Variants in SLC12A9 observed in about 807,000 individuals in gnomAD.
The protein encoded by SLC12A9 is CCC-interacting protein 1.
SLC12A9 carries 55 observed loss-of-function variants against 66.0 expected under a neutral mutation model. That is an observed-to-expected ratio of 0.83 (90% CI 0.67 to 1.04). The LOEUF is 1.04. Among genes scored for constraint, SLC12A9 ranks in the 50% least tolerant of loss-of-function variants. The pLI, the probability that SLC12A9 is intolerant of heterozygous loss-of-function variation, is 0.00. For missense variants in SLC12A9, 1,061 were observed against 1,241.9 expected, an observed-to-expected ratio of 0.85 and a Z score of 2.19; for synonymous variants, 577 against 569.0, an observed-to-expected ratio of 1.01 and a Z score of -0.20.
chr7:100,854,685 C>G lies in SLC12A9; in HGVS notation c.247C>G (p.Leu83Val). The change falls in exon 3 of 14, where the codon CTG becomes GTG. Residue 83 changes from leucine to valine, a missense_variant. Transcript: ENST00000354161. The stretch of plus-strand genomic sequence containing the variant: ...CATGCTGCTGGTTGCCTACTTCATC[C>G]TGGCACTCACCGTCCTCTCTGTCTG... ...LAMLLVAYFI[L>V]ALTVLSVCAI... is the part of the protein sequence containing the mutation. 6.2e-7 allele frequency: 1 copy of G among 1,614,072 alleles called. No homozygotes were observed. The highest frequency in any genetic ancestry group is 2.2e-5 in the East Asian group (1 of 44,872).
intron 5 of SLC12A9, chr7:100,857,457 C>T: frequency 2.1e-6 from 1 of 482,338 alleles, no homozygotes; most frequent in Non-Finnish European, 3.8e-6. Flanking sequence ...AATGGCCCAG[C>T]ATGACTTAAA....
At chr7:100,858,743 G>A in intron 5 of SLC12A9, 92 bp from the exon 6 acceptor site, 1 of 1,222,502 alleles carries the variant, frequency 8.2e-7, no homozygotes, top group Non-Finnish European at 1.2e-6. Context: ...GGAGGCAAGA[G>A]GACCGTGGGA....
Position 100,861,370 on chromosome 7 carries a change from C to T in SLC12A9, c.1344-22C>T. 1 of 1,612,402 alleles carries T rather than the reference C, an allele frequency of 6.2e-7. No individual in the cohort carries two copies. The highest frequency in any genetic ancestry group is 8.5e-7 in the Non-Finnish European group (1 of 1,178,894). On this transcript the variant is annotated intron_variant, in intron 10 of 13. Coordinates refer to ENST00000354161, the MANE Select transcript of SLC12A9 (RefSeq NM_020246.4). The surrounding 1 kb of genome is among the most constrained non-coding windows in gnomAD (Gnocchi z 5.3). ...TGCGGCCTGCCCTGAGTTTCTGTCC[C>T]TCCTCCCCTCCATGCCCGCAGCCCC...
intron 1 of SLC12A9, among the ~76,000 whole-genome samples, chr7:100,841,284 GTAAC>G (rs1329876687): frequency 6.6e-6 from 1 of 151,526 alleles, no homozygotes; most frequent in African/African-American, 2.4e-5. Context: ...TAATTTAAAA[GTAAC>G]TAGGCCTCCT....
chr7:100,852,795 C>T lies in SLC12A9; in HGVS notation c.-83C>T, dbSNP rs1814144025. On this transcript the variant is annotated 5_prime_UTR_variant, in exon 1 of 14. Transcript: ENST00000354161. ...TGCACTCTCCGCCCGAGCGGAGCCC[C>T]CCGGCTCGCGGGGATCGCCCCCGAG... 6.6e-6 allele frequency: 1 copy of T among 152,454 alleles called. No homozygotes were observed. The highest frequency in any genetic ancestry group is 6.5e-5 in the Admixed American group (1 of 15,312). 9.4% of individuals were successfully genotyped at this position (152,454 alleles called of 1,614,324 possible).
In SLC12A9 at chr7:100,862,664, C is replaced by CAA. The variant is rs1814829886; in HGVS notation, c.1712-17_1712-16insAA. The stretch of plus-strand genomic sequence containing the variant: ...TGGACAACACTGGCTACCTTCCTTT[C>CAA]CTTATCTTCTCTGTAGACTCCCTGC... On this transcript the variant is annotated splice_polypyrimidine_tract_variant and intron_variant, in intron 12 of 13. Transcript: ENST00000354161. 6.2e-7 allele frequency: 1 copy of CAA among 1,613,220 alleles called. No individual in the cohort carries two copies. The highest frequency in any genetic ancestry group is 8.5e-7 in the Non-Finnish European group (1 of 1,179,256).
In SLC12A9 at chr7:100,861,839, C is replaced by G; in HGVS notation, c.1639C>G (p.Leu547Val). The G allele has an allele frequency of 6.2e-7, 1 of 1,614,116 alleles. No homozygotes were observed. Among genetic ancestry groups the G allele is most frequent in the Non-Finnish European group, 8.5e-7 (1 of 1,180,010 alleles). Residue 547 changes from leucine to valine, a missense_variant, in exon 12 of 14, where the codon CTG (leucine) becomes GTG (valine). Physicochemically the swap from Leu to Val is conservative, Grantham distance 32 (BLOSUM62 1). Transcript: ENST00000354161. The surrounding 1 kb of genome is among the most constrained non-coding windows in gnomAD (Gnocchi z 5.3). ...GGGGAACCCCCGGGGCGCCCTGCCT[C>G]TGCTGCGGTTGGCCAACCAGCTTAA... ...LVGNPRGALP[L>V]LRLANQLKKG...
In SLC12A9 at chr7:100,834,269, G is replaced by GT. The variant is rs546364769; in HGVS notation, n.228+7223dup. On this transcript the variant is annotated intron_variant and non_coding_transcript_variant, in intron 1 of 1. Coordinates refer to the SLC12A9 transcript ENST00000461016. ...GAGCTGCCAGAGTTCACAACGCCAG[G>GT]TCAGAGAGGGCAAGGACAGTGACCA... Among the ~76,000 whole-genome samples, 958 of 152,292 alleles carry GT rather than the reference G, an allele frequency of 6.3e-3. 11 individuals are homozygous for GT. Among genetic ancestry groups the GT allele is most frequent in the Middle Eastern group, 0.051 (15 of 294 alleles).
At position 100,838,619 on chromosome 7, in the gene SLC12A9, C is replaced by T. The variant is rs542592895; in HGVS notation, n.228+11572C>T. On this transcript the variant is annotated intron_variant and non_coding_transcript_variant, in intron 1 of 1. Transcript: ENST00000461016. ...TGCGACCTGGCCTCTGGGGCTCAAG[C>T]GATCTGCCCACTTCACCCTCCCCAG... is the stretch of plus-strand genomic sequence containing the variant. Among the ~76,000 whole-genome samples the T allele has an allele frequency of 6.8e-4, 104 of 152,152 alleles. No individual in the cohort carries two copies. The Middle Eastern group carries it at 0.01, about 15-fold the overall frequency.
upstream of SLC12A9, among the ~76,000 whole-genome samples, chr7:100,851,524 A>G (rs924583469): frequency 1.2e-4 from 18 of 151,648 alleles, no homozygotes; most frequent in Admixed American, 1.1e-3. Context: ...CCCAGGTTCA[A>G]GCGATCCTCC....
chr7:100,847,289 C>G (rs61357484), intron 1 of SLC12A9, among the ~76,000 whole-genome samples: 9,617 of 152,218 alleles, frequency 0.063, 1,036 homozygotes, highest in African/African-American at 0.22. Flanking sequence ...CGTGAGCCAC[C>G]GCGCCCAGCC....
chr7:100,856,816 G>A (rs1454973231), intron 4 of SLC12A9, 52 bp from the exon 5 acceptor site: 9 of 1,504,574 alleles, frequency 6.0e-6, no homozygotes, highest in African/African-American at 1.4e-5. Flanking sequence ...ATGCCCGGCT[G>A]GTGGGGTGCC....
chr7:100,854,354 A>C lies in SLC12A9; in HGVS notation c.157A>C (p.Ser53Arg). ...VVVPTVLSMF[S>R]IVVFLRIGFV... ...GGTGCCCACTGTCCTGTCCATGTTC[A>C]GCATAGTTGTTTTTCTGAGGATTGG... Residue 53 changes from serine (S) to arginine (R), a missense_variant, in exon 2 of 14, where the codon AGC (serine) becomes CGC (arginine). Physicochemically the swap from Ser to Arg is moderately radical, Grantham distance 110. Transcript: ENST00000354161. 1 of 1,613,312 alleles carries C rather than the reference A, an allele frequency of 6.2e-7. No homozygotes were observed. The highest frequency in any genetic ancestry group is 8.5e-7 in the Non-Finnish European group (1 of 1,179,758).
Position 100,854,169 on chromosome 7 carries a change from T to C in SLC12A9, c.-29T>C. 2 of 1,529,532 alleles carry C rather than the reference T, an allele frequency of 1.3e-6. No homozygotes were observed. Among genetic ancestry groups the C allele is most frequent in the South Asian group, 1.3e-5 (1 of 74,244 alleles). 94.7% of individuals were successfully genotyped at this position (1,529,532 alleles called of 1,614,324 possible). A position where few individuals can be genotyped will look rare whatever the true frequency, so the allele number is the denominator to read the frequency against. The stretch of plus-strand genomic sequence containing the variant: ...TCTCCTTTGCAGGTCACCTAACCCA[T>C]TTGTGGCTTCCTCTACCTGTGCTCA... On this transcript the variant is annotated 5_prime_UTR_variant, in exon 2 of 14. Coordinates refer to ENST00000354161, the MANE Select transcript of SLC12A9 (RefSeq NM_020246.4).
At chr7:100,845,419 G>A (rs950402880) in intron 1 of SLC12A9, among the ~76,000 whole-genome samples, 1 of 151,720 alleles carries the variant, frequency 6.6e-6, no homozygotes, top group African/African-American at 2.4e-5. Flanking sequence ...GAGCAATCTC[G>A]GCTCACTGCA....
chr7:100,858,078 C>T (rs314371), intron 5 of SLC12A9: 62,196 of 151,574 alleles, frequency 0.41, 14,977 homozygotes, highest in East Asian at 0.8. Context: ...ATCGCCACCA[C>T]TGCCCTCCAG....
At chr7:100,851,573 G>A (rs552053846), upstream of SLC12A9, among the ~76,000 whole-genome samples, 29 of 151,734 alleles carry the variant, frequency 1.9e-4, no homozygotes, top group Middle Eastern at 6.8e-3. Context: ...GCAGGCGCAT[G>A]CTTGAGTTCA....
At chr7:100,834,983 G>A (rs532528084) in intron 1 of SLC12A9, among the ~76,000 whole-genome samples, 22 of 151,972 alleles carry the variant, frequency 1.4e-4, no homozygotes, top group Non-Finnish European at 2.4e-4. Context: ...GTGAGCCGCC[G>A]TGATCACACC....
intron 7 of SLC12A9, 30 bp downstream of exon 7, chr7:100,859,191 C>T (rs369967324): frequency 1.7e-4 from 278 of 1,597,786 alleles, no homozygotes; most frequent in Non-Finnish European, 1.2e-4. Flanking sequence ...GGTGGAGTGT[C>T]GAACAAGATT....
Sources: gnomAD v4.1 joint callset for allele counts (sites outside exome capture counted in the v4.1 genomes callset) on GRCh38, gnomAD v4.1.1 for gene constraint, Gnocchi (gnomAD v3.1) non-coding constraint, MANE v1.5 for transcripts, NCBI Gene and HGNC (gene_info 2026-07-23, HGNC 2026-07-21) for gene names.